The following DIS3L2 variants were observed in gnomAD, a reference collection of about 807,000 sequenced individuals.
The protein encoded by DIS3L2 is DIS3 like 3'-5' exoribonuclease 2.
Under a neutral mutation model 97.5 loss-of-function variants are expected in DIS3L2, and 34 were observed. The ratio of observed to expected loss-of-function variants is 0.35; its 90% CI spans 0.27 to 0.46. DIS3L2 has a LOEUF of 0.46. DIS3L2 is among the 20% of genes least tolerant of loss of function. The pLI is 1.00. For synonymous variants in DIS3L2, 435 were observed against 445.2 expected (o/e 0.98, Z 0.29); for missense variants, 1,038 against 1,146.0 (o/e 0.91, Z 1.36).
At chr2:232,331,405 G>C (rs1695732663) in intron 16 of DIS3L2, among the ~76,000 whole-genome samples, 1 of 152,238 alleles carries the variant, frequency 6.6e-6, no homozygotes. Flanking sequence ...CCCCGGCCCA[G>C]GGGCAGAGAC....
intron 1 of DIS3L2, among the ~76,000 whole-genome samples, chr2:231,988,106 G>T (rs1475004509): frequency 6.6e-6 from 1 of 152,188 alleles, no homozygotes; most frequent in African/African-American, 2.4e-5. Context: ...GCTTCCCAAA[G>T]TGCTGGGATT....
intron 11 of DIS3L2, among the ~76,000 whole-genome samples, chr2:232,242,636 T>C (rs1378966358): frequency 6.6e-6 from 1 of 152,210 alleles, no homozygotes; most frequent in Non-Finnish European, 1.5e-5. Flanking sequence ...GAGGCTAATA[T>C]AAGGTTTTAT....
intron 6 of DIS3L2, among the ~76,000 whole-genome samples, chr2:232,093,722 A>C (rs955733777): frequency 1.3e-5 from 2 of 152,102 alleles, no homozygotes; most frequent in Non-Finnish European, 2.9e-5. Context: ...CTGCAGTATC[A>C]GTTGTAGTGT....
At chr2:232,147,962 C>CTCCCCTCCCG (rs1690265850) in intron 8 of DIS3L2, among the ~76,000 whole-genome samples, 1 of 110,136 alleles carries the variant, frequency 9.1e-6, no homozygotes, top group Non-Finnish European at 1.9e-5. Context: ...CCTCCCTTTC[C>CTCCCCTCCCG]TCCCCTCCCC....
intron 9 of DIS3L2, among the ~76,000 whole-genome samples, chr2:232,167,595 A>G (rs1053713361): frequency 6.6e-6 from 1 of 152,222 alleles, no homozygotes; most frequent in African/African-American, 2.4e-5. Context: ...TCTCAGTCCT[A>G]TTCGCCAATT....
intron 13 of DIS3L2, among the ~76,000 whole-genome samples, chr2:232,270,602 G>A (rs1693961827): frequency 1.3e-5 from 2 of 152,072 alleles, no homozygotes; most frequent in South Asian, 4.1e-4. Flanking sequence ...CATGGCCATG[G>A]CCATCTGTGT....
intron 1 of DIS3L2, among the ~76,000 whole-genome samples, chr2:231,963,487 AT>A (rs1364476440): frequency 6.6e-6 from 1 of 152,058 alleles, no homozygotes; most frequent in Non-Finnish European, 1.5e-5. Flanking sequence ...GGGATTCTGG[AT>A]ATTGGACCTT....
At chr2:232,107,919 G>T (rs1470430153) in intron 6 of DIS3L2, among the ~76,000 whole-genome samples, 1 of 152,038 alleles carries the variant, frequency 6.6e-6, no homozygotes, top group South Asian at 2.1e-4. Flanking sequence ...CCTACCAACC[G>T]AAGAAAGCCC....
intron 6 of DIS3L2, among the ~76,000 whole-genome samples, chr2:232,107,862 C>T (rs560299320): frequency 4.6e-5 from 7 of 152,268 alleles, no homozygotes; most frequent in African/African-American, 1.2e-4. Context: ...AAGACACTGA[C>T]TCCCTGAATA....
At chr2:232,069,801 G>T (rs1486552548) in intron 5 of DIS3L2, among the ~76,000 whole-genome samples, 2 of 152,144 alleles carry the variant, frequency 1.3e-5, no homozygotes, top group African/African-American at 4.8e-5. Context: ...TATTGAGGAA[G>T]GCTGAGTTGA....
At chr2:232,104,764 A>G (rs1697309763) in intron 6 of DIS3L2, among the ~76,000 whole-genome samples, 1 of 152,192 alleles carries the variant, frequency 6.6e-6, no homozygotes, top group Non-Finnish European at 1.5e-5. Flanking sequence ...GTGGCTGAAT[A>G]ATATTCCATT....
In DIS3L2 at chr2:232,154,795, C is replaced by T. The variant is rs1267259998; in HGVS notation, c.951-8664C>T. Among the ~76,000 whole-genome samples the T allele has an allele frequency of 1.7e-4, 24 of 143,800 alleles. No homozygotes were observed. The South Asian group carries it at 5.5e-3, about 33-fold the overall frequency. 94.3% of individuals were successfully genotyped at this position (143,800 alleles called of 152,430 possible). A position where few individuals can be genotyped will look rare whatever the true frequency, so the allele number is the denominator to read the frequency against. The stretch of plus-strand genomic sequence containing the variant: ...GCCTGGGCAATGGCGGGCGCCCCTC[C>T]CCCAGCCTCGTTGCCGCCTTGCAGT... On this transcript the variant is annotated intron_variant, in intron 8 of 20. Transcript: ENST00000325385.
At chr2:232,002,380 A>T (rs1387111624) in intron 1 of DIS3L2, among the ~76,000 whole-genome samples, 1 of 151,968 alleles carries the variant, frequency 6.6e-6, no homozygotes, top group Non-Finnish European at 1.5e-5. Context: ...GAATTTTAGG[A>T]TTGCTTTTTC....
chr2:232,216,177 C>T (rs764252026), intron 10 of DIS3L2, among the ~76,000 whole-genome samples: 6 of 152,196 alleles, frequency 3.9e-5, no homozygotes, highest in Non-Finnish European at 7.3e-5. Flanking sequence ...CCGTGTATTC[C>T]TTATCCCTTT....
In DIS3L2 at chr2:232,274,821, T is replaced by C. The variant is rs142254428; in HGVS notation, c.1659+11381T>C. Among the ~76,000 whole-genome samples, 14 of 152,386 alleles carry C rather than the reference T, an allele frequency of 9.2e-5. No homozygotes were observed. In the East Asian group the frequency reaches 2.7e-3, roughly 29 times the overall value. On this transcript the variant is annotated intron_variant, in intron 13 of 20. Coordinates refer to ENST00000325385, the MANE Select transcript of DIS3L2 (RefSeq NM_152383.5). The stretch of plus-strand genomic sequence containing the variant: ...CATTATTTTATAAATGAAAACATTT[T>C]AGCATGAAAACAAAGACGACATAAT...
intron 10 of DIS3L2, among the ~76,000 whole-genome samples, chr2:232,227,969 TTTTG>T (rs1201964443): frequency 4.6e-5 from 7 of 152,144 alleles, no homozygotes; most frequent in Middle Eastern, 3.2e-3. Flanking sequence ...GAGGGACTAT[TTTTG>T]TTTGTTTGTT....
chr2:231,972,000 C>T (rs1165746820), intron 1 of DIS3L2, among the ~76,000 whole-genome samples: 1 of 151,214 alleles, frequency 6.6e-6, no homozygotes, highest in African/African-American at 2.4e-5. Flanking sequence ...TCCTGGCCAA[C>T]ATGGTGAAAC....
chr2:232,267,667 G>A (rs543715067), intron 13 of DIS3L2, among the ~76,000 whole-genome samples: 1 of 152,292 alleles, frequency 6.6e-6, no homozygotes, highest in East Asian at 1.9e-4. Flanking sequence ...TTGGGAGAAG[G>A]GGAACTGTGG....
chr2:232,129,755 T>C (rs1698165981), intron 6 of DIS3L2, among the ~76,000 whole-genome samples: 1 of 152,190 alleles, frequency 6.6e-6, no homozygotes, highest in Non-Finnish European at 1.5e-5. Flanking sequence ...AACATCTAAA[T>C]GATGATAAGT....
Sources: gnomAD v4.1 joint callset for allele counts (sites outside exome capture counted in the v4.1 genomes callset) on GRCh38, gnomAD v4.1.1 for gene constraint, MANE v1.5 for transcripts, NCBI Gene and HGNC (gene_info 2026-07-23, HGNC 2026-07-21) for gene names.